The following LINGO2 variants were observed in gnomAD, a reference collection of about 807,000 sequenced individuals.
The protein encoded by LINGO2 is leucine-rich repeat and immunoglobulin-like domain-containing nogo receptor-interacting protein 2.
Under a neutral mutation model 30.6 loss-of-function variants are expected in LINGO2, and 14 were observed. That is an observed-to-expected ratio of 0.46 (90% CI 0.30 to 0.72). The LOEUF is 0.72. Ranked by LOEUF, LINGO2 falls within the 30% of genes least tolerant of loss-of-function variation. The pLI is 0.07. For synonymous variants in LINGO2, 317 were observed against 288.5 expected (o/e 1.10, Z -1.00); for missense variants, 729 against 751.7 (o/e 0.97, Z 0.35).
At chr9:28,953,555 G>A in the LINGO2 span, among the ~76,000 whole-genome samples, 4 of 152,006 alleles carry the variant, frequency 2.6e-5, no homozygotes, top group Non-Finnish European at 5.9e-5. Flanking sequence ...AATTAGGGGA[G>A]TGAGACTGTT....
intron 5 of LINGO2, among the ~76,000 whole-genome samples, chr9:28,004,278 AATTAT>A (rs919527124): frequency 2.5e-4 from 38 of 152,262 alleles, no homozygotes; most frequent in African/African-American, 7.7e-4. Flanking sequence ...AGGCAAGATA[AATTAT>A]ATTATTTAAA....
chr9:29,126,068 T>G, the LINGO2 span, among the ~76,000 whole-genome samples: 4 of 152,142 alleles, frequency 2.6e-5, no homozygotes, highest in East Asian at 7.7e-4. Flanking sequence ...ACCATTATTT[T>G]TGGAACTACT....
At chr9:28,649,887 T>C (rs776295050) in intron 1 of LINGO2, among the ~76,000 whole-genome samples, 21 of 152,096 alleles carry the variant, frequency 1.4e-4, no homozygotes, top group Non-Finnish European at 2.8e-4. Context: ...CAGCCCCTGA[T>C]TCAACCCTCA....
chr9:28,229,970 A>G (rs1270863804), intron 4 of LINGO2, among the ~76,000 whole-genome samples: 2 of 151,904 alleles, frequency 1.3e-5, no homozygotes, highest in Non-Finnish European at 2.9e-5. Flanking sequence ...CAATAAAAGA[A>G]AAACTAACAC....
At chr9:28,247,696 G>A (rs760861631) in intron 4 of LINGO2, among the ~76,000 whole-genome samples, 5 of 152,044 alleles carry the variant, frequency 3.3e-5, no homozygotes, top group Admixed American at 1.3e-4. Flanking sequence ...AAGTACCATG[G>A]CACTCATATA....
At chr9:28,587,045 G>C (rs2135683796) in intron 1 of LINGO2, among the ~76,000 whole-genome samples, 1 of 152,032 alleles carries the variant, frequency 6.6e-6, no homozygotes, top group Non-Finnish European at 1.5e-5. Flanking sequence ...GCTTCATACA[G>C]CTAGAAATCC....
At chr9:28,226,336 T>A (rs1449658031) in intron 4 of LINGO2, among the ~76,000 whole-genome samples, 1 of 152,078 alleles carries the variant, frequency 6.6e-6, no homozygotes, top group African/African-American at 2.4e-5. Flanking sequence ...CTGTGAGGAT[T>A]TCCCTGTATT....
the LINGO2 span, among the ~76,000 whole-genome samples, chr9:29,043,769 T>C: frequency 6.6e-6 from 1 of 152,016 alleles, no homozygotes; most frequent in Non-Finnish European, 1.5e-5. Flanking sequence ...AACACAGTTA[T>C]ATGCAGTGAC....
exon 6 of LINGO2, chr9:27,948,803 A>T: frequency 6.4e-7 from 1 of 1,557,122 alleles, no homozygotes; most frequent in Middle Eastern, 1.7e-4. Context: ...ATACTGTCTT[A>T]CTGATTACCC....
At chr9:28,106,900 G>A (rs10812741) in intron 4 of LINGO2, among the ~76,000 whole-genome samples, 3 of 151,828 alleles carry the variant, frequency 2.0e-5, no homozygotes, top group African/African-American at 4.8e-5. Flanking sequence ...TTTTTCCTTC[G>A]CCTTCTTACT....
chr9:28,852,191 G>A, the LINGO2 span, among the ~76,000 whole-genome samples: 2 of 151,958 alleles, frequency 1.3e-5, no homozygotes, highest in Non-Finnish European at 2.9e-5. Flanking sequence ...AACTGACCCA[G>A]TCTAAGGGCT....
At chr9:28,978,882 G>T in the LINGO2 span, among the ~76,000 whole-genome samples, 1 of 151,976 alleles carries the variant, frequency 6.6e-6, no homozygotes, top group South Asian at 2.1e-4. Flanking sequence ...GAAATAAAAT[G>T]AATATTCTCA....
the LINGO2 span, among the ~76,000 whole-genome samples, chr9:28,714,241 C>G: frequency 6.8e-6 from 1 of 147,052 alleles, no homozygotes; most frequent in Non-Finnish European, 1.5e-5. Context: ...ATATCTCTCT[C>G]CACTACAGTC....
chr9:28,621,488 C>A (rs1826392586), intron 1 of LINGO2, among the ~76,000 whole-genome samples: 1 of 151,480 alleles, frequency 6.6e-6, no homozygotes, highest in Admixed American at 6.6e-5. Flanking sequence ...CACAAGAGAA[C>A]CACTGATTTG....
chr9:28,103,808 T>G (rs1289208253), intron 4 of LINGO2, among the ~76,000 whole-genome samples: 1 of 152,200 alleles, frequency 6.6e-6, no homozygotes, highest in Non-Finnish European at 1.5e-5. Context: ...TCTATTGCAC[T>G]TAGATCTGCC....
chr9:28,797,914 C>T, the LINGO2 span, among the ~76,000 whole-genome samples: 7 of 151,984 alleles, frequency 4.6e-5, no homozygotes, highest in African/African-American at 1.7e-4. Context: ...CTGGAAGCAG[C>T]AGCCCATGAG....
the LINGO2 span, among the ~76,000 whole-genome samples, chr9:28,781,986 A>C: frequency 4.6e-5 from 7 of 152,204 alleles, no homozygotes; most frequent in African/African-American, 1.7e-4. Context: ...TGATATTTTC[A>C]CAGTAACTTA....
intron 4 of LINGO2, among the ~76,000 whole-genome samples, chr9:28,202,982 A>G (rs928066369): frequency 1.3e-5 from 2 of 152,204 alleles, no homozygotes; most frequent in Non-Finnish European, 2.9e-5. Context: ...TTGGTTCACT[A>G]CAAATCTTAG....
chr9:28,052,812 A>T (rs1402190680), intron 4 of LINGO2, among the ~76,000 whole-genome samples: 1 of 152,088 alleles, frequency 6.6e-6, no homozygotes, highest in Non-Finnish European at 1.5e-5. Context: ...TTTGGCATCA[A>T]AGGGTTTTCT....
Sources: gnomAD v4.1 joint callset for allele counts (sites outside exome capture counted in the v4.1 genomes callset) on GRCh38, gnomAD v4.1.1 for gene constraint, MANE v1.5 for transcripts, NCBI Gene and HGNC (gene_info 2026-07-23, HGNC 2026-07-21) for gene names.